NAALADL2: variants seen among roughly 807,000 people sequenced by gnomAD.
NAALADL2 encodes the protein N-acetylated alpha-linked acidic dipeptidase like 2, also known as inactive N-acetylated-alpha-linked acidic dipeptidase-like protein 2.
In NAALADL2, 76 loss-of-function variants were observed where a neutral mutation model predicts 87.2. The ratio of observed to expected loss-of-function variants is 0.87; its 90% CI spans 0.72 to 1.05. NAALADL2 has a LOEUF of 1.05. Ranked by LOEUF, NAALADL2 falls within the 50% of genes least tolerant of loss-of-function variation. The pLI is 0.00. For missense variants in NAALADL2, 1,089 were observed against 945.8 expected (o/e 1.15, Z -1.99); for synonymous variants, 354 against 331.0 (o/e 1.07, Z -0.75).
intron 1 of NAALADL2, among the ~76,000 whole-genome samples, chr3:175,095,662 C>A (rs1051626309): frequency 3.3e-5 from 5 of 151,976 alleles, no homozygotes; most frequent in African/African-American, 1.2e-4. Flanking sequence ...TTTGTGAAAT[C>A]CTTGTTTTAT....
chr3:175,008,017 G>A (rs974695157), intron 1 of NAALADL2, among the ~76,000 whole-genome samples: 6 of 152,044 alleles, frequency 3.9e-5, no homozygotes, highest in Non-Finnish European at 5.9e-5. Context: ...TTCATTTCCC[G>A]GGTAGGATTG....
chr3:175,296,624 A>G (rs1756416161), intron 4 of NAALADL2, among the ~76,000 whole-genome samples: 1 of 152,136 alleles, frequency 6.6e-6, no homozygotes, highest in African/African-American at 2.4e-5. Context: ...CAAGTCCCAT[A>G]TAGATTTATG....
At chr3:175,740,181 A>G (rs567084969) in intron 12 of NAALADL2, among the ~76,000 whole-genome samples, 63 of 152,370 alleles carry the variant, frequency 4.1e-4, no homozygotes, top group African/African-American at 1.3e-3. Flanking sequence ...ATATATTTCA[A>G]AGAAGAGGAA....
intron 2 of NAALADL2, among the ~76,000 whole-genome samples, chr3:174,650,060 A>G (rs1057146689): frequency 5.3e-5 from 8 of 152,266 alleles, no homozygotes; most frequent in Admixed American, 1.3e-4. Context: ...AATAATAGCT[A>G]TGATAACAAA....
rs566863113 is a variant in NAALADL2 at position 175,210,889 on chromosome 3, A to G, written c.546-23042A>G. Among the ~76,000 whole-genome samples, 10 of 151,908 alleles carry G rather than the reference A, an allele frequency of 6.6e-5. No homozygotes were observed. In the South Asian group the frequency reaches 2.1e-3, roughly 31 times the overall value. ...ATATGCCTTTAAAATTACTATGATTATAGAGGCTGAGCAGGATTTATTTAT... is the reference window on the plus strand; with the variant it reads ...ATATGCCTTTAAAATTACTATGATTGTAGAGGCTGAGCAGGATTTATTTAT... On this transcript the variant is annotated intron_variant, in intron 2 of 13. Transcript: ENST00000454872.
chr3:174,680,899 T>G (rs2108825822), intron 2 of NAALADL2, among the ~76,000 whole-genome samples: 1 of 152,262 alleles, frequency 6.6e-6, no homozygotes, highest in South Asian at 2.1e-4. Context: ...CAGTACTTGG[T>G]TTTAACTTCA....
intron 2 of NAALADL2, among the ~76,000 whole-genome samples, chr3:174,569,018 A>G (rs1448877632): frequency 1.3e-5 from 2 of 151,708 alleles, no homozygotes; most frequent in East Asian, 3.9e-4. Flanking sequence ...CTCAATATAT[A>G]TATGATTATA....
chr3:174,724,925 T>C (rs1441666514), intron 2 of NAALADL2, among the ~76,000 whole-genome samples: 1 of 152,114 alleles, frequency 6.6e-6, no homozygotes, highest in African/African-American at 2.4e-5. Context: ...AAATGCAGAG[T>C]CTGGAGCCCA....
intron 3 of NAALADL2, among the ~76,000 whole-genome samples, chr3:174,797,000 C>T (rs1718177396): frequency 6.6e-6 from 1 of 152,008 alleles, no homozygotes; most frequent in Non-Finnish European, 1.5e-5. Flanking sequence ...GTTGCTTATG[C>T]TTTTGAAGTG....
chr3:174,778,454 C>T (rs550466149), intron 3 of NAALADL2, among the ~76,000 whole-genome samples: 1 of 151,222 alleles, frequency 6.6e-6, no homozygotes, highest in Admixed American at 6.6e-5. Context: ...TACTCTGCAC[C>T]AGGTTTGGGT....
chr3:175,010,937 ATTACAT>A, intron 1 of NAALADL2, among the ~76,000 whole-genome samples: 1 of 152,268 alleles, frequency 6.6e-6, no homozygotes, highest in South Asian at 2.1e-4. Context: ...ATTATGGACA[ATTACAT>A]TGCACAATGT....
chr3:174,757,757 C>A (rs923952318), intron 3 of NAALADL2, among the ~76,000 whole-genome samples: 16 of 152,072 alleles, frequency 1.1e-4, no homozygotes, highest in African/African-American at 3.6e-4. Context: ...CCCGCCTCAG[C>A]CTCCCAAAGT....
chr3:174,761,679 A>G (rs920558177), intron 3 of NAALADL2, among the ~76,000 whole-genome samples: 1 of 152,034 alleles, frequency 6.6e-6, no homozygotes, highest in African/African-American at 2.4e-5. Context: ...GGTTTGTTAC[A>G]TATGTATACA....
At chr3:175,091,240 G>C (rs1043055039) in intron 1 of NAALADL2, among the ~76,000 whole-genome samples, 1 of 152,032 alleles carries the variant, frequency 6.6e-6, no homozygotes, top group African/African-American at 2.4e-5. Context: ...CACTGTTGCA[G>C]TACCTAAAGC....
At chr3:174,592,445 A>G (rs1360572437) in intron 2 of NAALADL2, among the ~76,000 whole-genome samples, 1 of 152,124 alleles carries the variant, frequency 6.6e-6, no homozygotes, top group African/African-American at 2.4e-5. Context: ...TGAAGGAGCA[A>G]TACCTGAGAA....
At chr3:175,445,533 C>G (rs1287535894) in intron 5 of NAALADL2, among the ~76,000 whole-genome samples, 1 of 152,024 alleles carries the variant, frequency 6.6e-6, no homozygotes, top group African/African-American at 2.4e-5. Context: ...TCAGTTTTAT[C>G]CATTATATTG....
At chr3:174,873,193 C>T (rs1188708122) in intron 1 of NAALADL2, among the ~76,000 whole-genome samples, 3 of 139,564 alleles carry the variant, frequency 2.1e-5, no homozygotes, top group Non-Finnish European at 4.5e-5. Flanking sequence ...CTCACTCTCT[C>T]TGTCTGTCTC....
At chr3:175,637,795 T>C (rs912110726) in intron 11 of NAALADL2, among the ~76,000 whole-genome samples, 1 of 152,180 alleles carries the variant, frequency 6.6e-6, no homozygotes, top group African/African-American at 2.4e-5. Flanking sequence ...TACTTCTTTG[T>C]AGCAAAACAG....
At chr3:175,061,373 AAAAT>A (rs1310128747) in intron 1 of NAALADL2, among the ~76,000 whole-genome samples, 2 of 151,596 alleles carry the variant, frequency 1.3e-5, no homozygotes, top group Non-Finnish European at 2.9e-5. Flanking sequence ...AAAGTATGAG[AAAAT>A]AAATCTACAC....
Sources: gnomAD v4.1 joint callset for allele counts (sites outside exome capture counted in the v4.1 genomes callset) on GRCh38, gnomAD v4.1.1 for gene constraint, MANE v1.5 for transcripts, NCBI Gene and HGNC (gene_info 2026-07-23, HGNC 2026-07-21) for gene names.